Variants in SPATA6L observed in about 807,000 individuals in gnomAD.
SPATA6L encodes the protein spermatogenesis associated 6-like protein.
Under a neutral mutation model 49.2 loss-of-function variants are expected in SPATA6L, and 68 were observed. The ratio of observed to expected loss-of-function variants is 1.38; its 90% confidence interval spans 1.14 to 1.69. SPATA6L has a LOEUF of 1.69. SPATA6L is among the 40% of genes most tolerant of loss of function. The pLI is 0.00. For synonymous variants in SPATA6L, 198 were observed against 165.7 expected, an observed-to-expected ratio of 1.19 and a Z score of -1.50; for missense variants, 668 against 464.3, an observed-to-expected ratio of 1.44 and a Z score of -4.03.
intron 13 of SPATA6L, among the ~76,000 whole-genome samples, chr9:4,592,054 G>A (rs116395319): frequency 0.026 from 3,900 of 152,194 alleles, 182 homozygotes; most frequent in African/African-American, 0.09. Context: ...GTGGCTCACA[G>A]CTATAATCCC....
At chr9:4,604,408 A>G (rs960606538) in intron 10 of SPATA6L, 139 bp from the exon 11 acceptor site, 1 of 508,070 alleles carries the variant, frequency 2.0e-6, no homozygotes, top group East Asian at 3.4e-5. Context: ...ATATGTGTGT[A>G]TATAGAATCT....
chr9:4,595,699 C>T (rs1283435425), downstream of SPATA6L, among the ~76,000 whole-genome samples: 2 of 152,176 alleles, frequency 1.3e-5, no homozygotes, highest in African/African-American at 2.4e-5. Flanking sequence ...AACACCAATA[C>T]CCCACTGTTT....
At chr9:4,589,576 G>C (rs1229425714) in intron 13 of SPATA6L, among the ~76,000 whole-genome samples, 1 of 152,198 alleles carries the variant, frequency 6.6e-6, no homozygotes, top group Non-Finnish European at 1.5e-5. Context: ...TGTCATGTAG[G>C]AGGTAAACAA....
chr9:4,618,051 A>T lies in SPATA6L; in HGVS notation c.867T>A (p.Asp289Glu). Residue 289 changes from aspartate (D) to glutamate (E), a missense_variant, in exon 9 of 12, where the codon GAT (aspartate) becomes GAA (glutamate). Coordinates refer to ENST00000682582, the MANE Select transcript of SPATA6L (RefSeq NM_001353486.2). ...ATGAAGACTTTCCAAACTGACTTGA[A>T]TCTAAACATGATGATGAGTCACTCC... is the stretch of plus-strand genomic sequence containing the variant. The part of the protein sequence containing the change: ...VLRSDSSSCL[D>E]SSQFGKSSSS... 1 of 1,614,068 alleles carries T rather than the reference A, an allele frequency of 6.2e-7. No homozygotes were observed. The highest frequency in any genetic ancestry group is 8.5e-7 in the Non-Finnish European group (1 of 1,179,984).
chr9:4,648,735 T>A (rs1263493159), intron 3 of SPATA6L, among the ~76,000 whole-genome samples: 2 of 151,730 alleles, frequency 1.3e-5, no homozygotes, highest in East Asian at 3.9e-4. Context: ...AATACATAAG[T>A]TCTTTAGTGG....
intron 3 of SPATA6L, among the ~76,000 whole-genome samples, chr9:4,641,452 C>T (rs1187064890): frequency 1.3e-5 from 2 of 152,258 alleles, no homozygotes; most frequent in South Asian, 2.1e-4. Context: ...AACCTATGCA[C>T]ATCCTCCTGT....
intron 4 of SPATA6L, among the ~76,000 whole-genome samples, chr9:4,631,551 C>A (rs1190558388): frequency 6.6e-6 from 1 of 151,586 alleles, no homozygotes; most frequent in Non-Finnish European, 1.5e-5. Context: ...CTTGACCTCA[C>A]CAGGAAATAA....
intron 2 of SPATA6L, among the ~76,000 whole-genome samples, chr9:4,657,415 G>T (rs890727164): frequency 6.6e-6 from 1 of 152,006 alleles, no homozygotes; most frequent in African/African-American, 2.4e-5. Context: ...ACCTTAGTTT[G>T]CAAATAGGGT....
intron 5 of SPATA6L, chr9:4,626,531 A>G (rs1346200845): frequency 7.7e-6 from 10 of 1,304,192 alleles, no homozygotes; most frequent in South Asian, 2.5e-5. Flanking sequence ...TGCTGAACCA[A>G]CATCTTCCCT....
chr9:4,643,248 C>T (rs921903754), intron 3 of SPATA6L, among the ~76,000 whole-genome samples: 64 of 152,160 alleles, frequency 4.2e-4, no homozygotes, highest in African/African-American at 1.5e-3. Flanking sequence ...CCTCATGATC[C>T]GCCCACCTTG....
intron 3 of SPATA6L, among the ~76,000 whole-genome samples, chr9:4,645,983 G>T (rs1835291032): frequency 6.6e-6 from 1 of 152,150 alleles, no homozygotes; most frequent in African/African-American, 2.4e-5. Context: ...AATTATATAT[G>T]ATTTAAATCG....
At chr9:4,660,189 T>C (rs1422181170) in intron 2 of SPATA6L, among the ~76,000 whole-genome samples, 1 of 152,168 alleles carries the variant, frequency 6.6e-6, no homozygotes, top group African/African-American at 2.4e-5. Flanking sequence ...TGGGATCTAA[T>C]TAAACTAAAG....
At chr9:4,664,057 G>A (rs1042555765) in intron 1 of SPATA6L, 32 of 167,094 alleles carry the variant, frequency 1.9e-4, no homozygotes, top group African/African-American at 7.7e-4. Flanking sequence ...GATGCTCATA[G>A]AAGAGGAAGA....
At chr9:4,633,955 G>C (rs538789130) in intron 4 of SPATA6L, among the ~76,000 whole-genome samples, 17 of 152,078 alleles carry the variant, frequency 1.1e-4, no homozygotes, top group Non-Finnish European at 2.2e-4. Flanking sequence ...GCATGCAGGT[G>C]TTTCCACACA....
At chr9:4,656,833 G>A (rs959276964) in intron 2 of SPATA6L, among the ~76,000 whole-genome samples, 1 of 152,152 alleles carries the variant, frequency 6.6e-6, no homozygotes, top group African/African-American at 2.4e-5. Flanking sequence ...AATGTTAACT[G>A]AATGAATGGT....
intron 2 of SPATA6L, 46 bp downstream of exon 2, chr9:4,661,853 C>T (rs301489): frequency 0.51 from 814,643 of 1,598,590 alleles, 214,343 homozygotes; most frequent in African/African-American, 0.84. Flanking sequence ...TAAGAACTCT[C>T]AGGTTATCTT....
chr9:4,646,555 T>G, intron 3 of SPATA6L: 1 of 1,444,170 alleles, frequency 6.9e-7, no homozygotes. Flanking sequence ...GAGATTTTAA[T>G]ACTTCCAAAA....
At chr9:4,595,483 C>T (rs1297048843), downstream of SPATA6L, among the ~76,000 whole-genome samples, 1 of 152,210 alleles carries the variant, frequency 6.6e-6, no homozygotes, top group African/African-American at 2.4e-5. Context: ...GGCTCCAAAA[C>T]TCTAACGGCT....
chr9:4,594,727 T>C (rs1822132606), downstream of SPATA6L, among the ~76,000 whole-genome samples: 2 of 152,212 alleles, frequency 1.3e-5, no homozygotes, highest in African/African-American at 4.8e-5. Context: ...ACTTAGCCTC[T>C]GTCCAGACAT....
Sources: gnomAD v4.1 joint callset for allele counts (sites outside exome capture counted in the v4.1 genomes callset) on GRCh38, gnomAD v4.1.1 for gene constraint, MANE v1.5 for transcripts, NCBI Gene and HGNC (gene_info 2026-07-23, HGNC 2026-07-21) for gene names.